GRID2: variants seen among roughly 807,000 people sequenced by gnomAD.
GRID2 encodes the protein glutamate receptor ionotropic, delta-2.
Under a neutral mutation model 114.8 loss-of-function variants are expected in GRID2, and 33 were observed. The ratio of observed to expected loss-of-function variants is 0.29; its 90% CI spans 0.22 to 0.38. GRID2 has a LOEUF of 0.38. Among genes scored for constraint, GRID2 ranks in the 10% least tolerant of loss-of-function variants. The pLI is 1.00. For missense variants in GRID2, 1,184 were observed against 1,257.7 expected (o/e 0.94, Z 0.89); for synonymous variants, 505 against 449.9 (o/e 1.12, Z -1.55).
intron 2 of GRID2, among the ~76,000 whole-genome samples, chr4:92,944,113 A>G (rs1034078868): frequency 2.6e-5 from 4 of 152,206 alleles, no homozygotes; most frequent in Non-Finnish European, 5.9e-5. Context: ...CAAAGCTGTC[A>G]GACAGGTACA....
At chr4:92,913,574 A>T (rs1748548755) in intron 2 of GRID2, among the ~76,000 whole-genome samples, 1 of 151,960 alleles carries the variant, frequency 6.6e-6, no homozygotes, top group African/African-American at 2.4e-5. Flanking sequence ...TCATTTTCAT[A>T]AATGTTATTT....
intron 2 of GRID2, among the ~76,000 whole-genome samples, chr4:92,650,413 C>A (rs1347274388): frequency 6.6e-6 from 1 of 152,016 alleles, no homozygotes; most frequent in African/African-American, 2.4e-5. Flanking sequence ...TTTCAATCAC[C>A]TTAATCACAG....
At chr4:93,235,302 C>T (rs956761210) in intron 7 of GRID2, among the ~76,000 whole-genome samples, 4 of 151,952 alleles carry the variant, frequency 2.6e-5, no homozygotes, top group South Asian at 2.1e-4. Context: ...ATTTAAAGGA[C>T]GTTTAGAAAT....
At chr4:92,800,420 G>A (rs1259653258) in intron 2 of GRID2, among the ~76,000 whole-genome samples, 1 of 151,914 alleles carries the variant, frequency 6.6e-6, no homozygotes, top group African/African-American at 2.4e-5. Flanking sequence ...TAGTTAAGAA[G>A]GAATCAAGGT....
chr4:93,358,361 C>G (rs180797738), intron 8 of GRID2, among the ~76,000 whole-genome samples: 1 of 151,746 alleles, frequency 6.6e-6, no homozygotes, highest in Non-Finnish European at 1.5e-5. Flanking sequence ...TAAATTGGTA[C>G]ATTTTAATAA....
intron 1 of GRID2, among the ~76,000 whole-genome samples, chr4:92,498,593 TAAA>T (rs967807814): frequency 1.3e-5 from 2 of 151,886 alleles, no homozygotes; most frequent in African/African-American, 4.8e-5. Flanking sequence ...TCAATTGATT[TAAA>T]AAATTAACTT....
chr4:93,457,662 G>A (rs1051928738), intron 11 of GRID2, among the ~76,000 whole-genome samples: 1 of 152,132 alleles, frequency 6.6e-6, no homozygotes, highest in Non-Finnish European at 1.5e-5. Flanking sequence ...GTCAAGAGGA[G>A]AGTATTGATG....
chr4:92,687,307 C>T (rs537908926), intron 2 of GRID2, among the ~76,000 whole-genome samples: 1 of 151,158 alleles, frequency 6.6e-6, no homozygotes, highest in South Asian at 2.1e-4. Flanking sequence ...ATAATTCTTA[C>T]CAGAAATATA....
At chr4:93,198,797 T>C (rs1741772882) in intron 4 of GRID2, among the ~76,000 whole-genome samples, 2 of 152,144 alleles carry the variant, frequency 1.3e-5, no homozygotes, top group African/African-American at 4.8e-5. Flanking sequence ...AGCTCATATA[T>C]TGCATTTAGA....
intron 11 of GRID2, among the ~76,000 whole-genome samples, chr4:93,461,955 G>A (rs770652558): frequency 3.9e-5 from 6 of 152,096 alleles, no homozygotes. Flanking sequence ...TGCAAATGTA[G>A]TTGTATGTAA....
Position 92,368,943 on chromosome 4 carries a change from G to GAA in GRID2, c.88+64214_88+64215dup, listed in dbSNP as rs34556616. The stretch of plus-strand genomic sequence containing the variant: ...TGTTTCAATTGAATGAGCAAATTGT[G>GAA]AAAAAAAAAAAAAAAAGTATTAGGT... On this transcript the variant is annotated intron_variant, in intron 1 of 15. Transcript: ENST00000282020. Among the ~76,000 whole-genome samples, 268 of 128,386 alleles carry GAA rather than the reference G, an allele frequency of 2.1e-3. 3 individuals carry two copies. Among genetic ancestry groups the GAA allele is most frequent in the South Asian group, 3.1e-3 (12 of 3,904 alleles). 84.2% of individuals were successfully genotyped at this position (128,386 alleles called of 152,430 possible).
intron 4 of GRID2, among the ~76,000 whole-genome samples, chr4:93,126,423 A>T (rs1734264471): frequency 6.6e-6 from 1 of 151,946 alleles, no homozygotes; most frequent in Non-Finnish European, 1.5e-5. Context: ...GGCACTATTG[A>T]CAATTTGAAC....
chr4:93,122,890 G>T (rs941840995), intron 4 of GRID2, among the ~76,000 whole-genome samples: 14 of 69,792 alleles, frequency 2.0e-4, no homozygotes, highest in African/African-American at 3.1e-4. Context: ...ACAGATGTGG[G>T]TTTTTTTTTT....
chr4:92,605,280 G>T lies in GRID2; in HGVS notation c.244+14994G>T, dbSNP rs1228414111. The stretch of plus-strand genomic sequence containing the variant: ...GGGGAGGCCAAATGACGGAAACTAG[G>T]AATTTCCAAGGTCAATTTATTCTTT... On this transcript the variant is annotated intron_variant, in intron 2 of 15. Coordinates refer to ENST00000282020, the MANE Select transcript of GRID2 (RefSeq NM_001510.4). 5.3e-5 allele frequency among the ~76,000 whole-genome samples: 8 copies of T among 151,986 alleles called. No individual in the cohort carries two copies. The East Asian group carries it at 1.5e-3, about 29-fold the overall frequency.
chr4:93,538,761 C>G (rs1043420261), intron 13 of GRID2, among the ~76,000 whole-genome samples: 7 of 151,636 alleles, frequency 4.6e-5, no homozygotes, highest in Non-Finnish European at 7.4e-5. Flanking sequence ...CAGTACTCCT[C>G]AACACTGTCA....
At chr4:93,303,285 G>A (rs751030334) in intron 8 of GRID2, among the ~76,000 whole-genome samples, 58 of 152,240 alleles carry the variant, frequency 3.8e-4, no homozygotes, top group Non-Finnish European at 6.3e-4. Context: ...ATATCAGAAT[G>A]ACTGAATATC....
chr4:92,783,185 G>A (rs894981209), intron 2 of GRID2, among the ~76,000 whole-genome samples: 5 of 151,926 alleles, frequency 3.3e-5, no homozygotes, highest in Non-Finnish European at 5.9e-5. Context: ...AAATAGTTCT[G>A]AAGCAAGGGC....
chr4:93,417,724 T>C (rs1036102914), intron 9 of GRID2, among the ~76,000 whole-genome samples: 1 of 152,034 alleles, frequency 6.6e-6, no homozygotes, highest in Non-Finnish European at 1.5e-5. Flanking sequence ...TCTTTGGCTA[T>C]TGCTTTTTTC....
chr4:93,045,951 A>G (rs1726097820), intron 2 of GRID2, among the ~76,000 whole-genome samples: 3 of 152,146 alleles, frequency 2.0e-5, no homozygotes, highest in South Asian at 4.1e-4. Flanking sequence ...AGTAAAATCA[A>G]TAATTGAGTT....
Sources: allele counts gnomAD v4.1 joint callset (sites outside exome capture counted in the v4.1 genomes callset), GRCh38; gene constraint gnomAD v4.1.1; transcripts MANE v1.5; gene names NCBI Gene and HGNC (gene_info 2026-07-23, HGNC 2026-07-21).